The following PKP4 variants were observed in gnomAD, a reference collection of about 807,000 sequenced individuals.
PKP4 encodes plakophilin 4.
PKP4 carries 90 observed loss-of-function variants against 145.1 expected under a neutral mutation model. The observed-to-expected ratio is 0.62, with a 90% CI of 0.52 to 0.74. The LOEUF is 0.74. Among genes scored for constraint, PKP4 ranks in the 30% least tolerant of loss-of-function variants. PKP4 has a pLI of 0.00. For synonymous variants in PKP4, 563 were observed against 577.2 expected, an observed-to-expected ratio of 0.98 and a Z score of 0.35; for missense variants, 1,340 against 1,482.7, an observed-to-expected ratio of 0.90 and a Z score of 1.58.
intron 4 of PKP4, among the ~76,000 whole-genome samples, chr2:158,616,631 ACT>A (rs1491282421): frequency 6.6e-6 from 1 of 151,754 alleles, no homozygotes; most frequent in African/African-American, 2.4e-5. Flanking sequence ...CTCACACCAC[ACT>A]GTCTTTTATG....
rs182434196 is a variant in PKP4, at chr2:158,474,948, A to T, written c.-6+17730A>T. Among the ~76,000 whole-genome samples the T allele has an allele frequency of 2.2e-4, 34 of 152,332 alleles. 1 individual carries two copies. The East Asian group carries it at 5.8e-3, about 26-fold the overall frequency. ...ATTTAGCAATTTGCTAAACATTTTTAACTCAGTTCTTTTTACTAGTGTCCA... is the reference window on the plus strand; with the variant it reads ...ATTTAGCAATTTGCTAAACATTTTTTACTCAGTTCTTTTTACTAGTGTCCA... On this transcript the variant is annotated intron_variant, in intron 1 of 21. Coordinates refer to ENST00000389759, the MANE Select transcript of PKP4 (RefSeq NM_003628.6).
intron 1 of PKP4, among the ~76,000 whole-genome samples, chr2:158,509,016 A>C (rs1331405618): frequency 6.6e-6 from 1 of 152,218 alleles, no homozygotes; most frequent in Non-Finnish European, 1.5e-5. Flanking sequence ...AGAAATATCT[A>C]CCTATCAGTG....
At position 158,680,421 on chromosome 2, in the gene PKP4, G is replaced by A; in HGVS notation, c.3331-8G>A. On this transcript the variant is annotated splice_region_variant and splice_polypyrimidine_tract_variant and intron_variant, in intron 21 of 21. Coordinates refer to ENST00000389759, the MANE Select transcript of PKP4 (RefSeq NM_003628.6). Reference sequence around the variant, plus strand: ...TTTTATTTATTTGCCTTTTCATTTTGTCAACAGCATCAACAGCTGTATTAT... The same window carrying A: ...TTTTATTTATTTGCCTTTTCATTTTATCAACAGCATCAACAGCTGTATTAT... 3.2e-6 allele frequency: 5 copies of A among 1,559,764 alleles called. No homozygotes were observed. The highest frequency in any genetic ancestry group is 2.6e-6 in the Non-Finnish European group (3 of 1,153,928).
At chr2:158,475,621 G>C (rs1692345013) in intron 1 of PKP4, among the ~76,000 whole-genome samples, 1 of 152,142 alleles carries the variant, frequency 6.6e-6, no homozygotes, top group South Asian at 2.1e-4. Context: ...AGTGCCAGTG[G>C]GTTATCCCTG....
intron 2 of PKP4, among the ~76,000 whole-genome samples, chr2:158,555,549 A>G (rs2046015467): frequency 6.6e-6 from 1 of 152,222 alleles, no homozygotes; most frequent in Non-Finnish European, 1.5e-5. Flanking sequence ...TTTGATTTAA[A>G]TATTTCTGAA....
rs141436976 is a variant in PKP4 at position 158,603,089 on chromosome 2, C to T, written c.265C>T (p.Pro89Ser). The change falls in exon 4 of 22, where the codon CCT (proline) becomes TCT (serine). Residue 89 changes from proline to serine, a missense_variant. By Grantham distance (74) the Pro-to-Ser change is moderately conservative. Coordinates refer to ENST00000389759, the MANE Select transcript of PKP4 (RefSeq NM_003628.6). ...ASTSSTEKSF[P>S]WRSTDVPNTG... ...CTTTAGCTCAACTGAGAAGTCATTTCCTTGGAGATCAACAGGTATGTTTTT... is the reference window on the plus strand; with the variant it reads ...CTTTAGCTCAACTGAGAAGTCATTTTCTTGGAGATCAACAGGTATGTTTTT... 7.2e-4 allele frequency: 1,065 copies of T among 1,481,090 alleles called. 8 individuals carry two copies. The highest frequency in any genetic ancestry group is 7.0e-3 in the South Asian group (527 of 74,826). The allele number at this position is 1,481,090 out of a possible 1,614,324, so 91.7% of individuals were successfully genotyped here.
intron 1 of PKP4, among the ~76,000 whole-genome samples, chr2:158,503,306 CG>C (rs1696859767): frequency 6.6e-6 from 1 of 152,192 alleles, no homozygotes; most frequent in African/African-American, 2.4e-5. Context: ...CTGGCTCTAA[CG>C]CTTCAGTGCA....
At chr2:158,587,238 A>C (rs879586741) in intron 3 of PKP4, among the ~76,000 whole-genome samples, 13 of 152,172 alleles carry the variant, frequency 8.5e-5, no homozygotes, top group Admixed American at 7.9e-4. Context: ...ACTTTTAAAA[A>C]TTCAGAGGCC....
At chr2:158,498,973 A>T (rs1309506709) in intron 1 of PKP4, among the ~76,000 whole-genome samples, 4 of 152,124 alleles carry the variant, frequency 2.6e-5, no homozygotes, top group Non-Finnish European at 5.9e-5. Flanking sequence ...TCACCTAAGG[A>T]TTAAGCCCAC....
chr2:158,673,153 G>A (rs1322532123), intron 17 of PKP4, among the ~76,000 whole-genome samples: 1 of 152,228 alleles, frequency 6.6e-6, no homozygotes, highest in Non-Finnish European at 1.5e-5. Context: ...TCAGAGAGGG[G>A]AAATAATATC....
chr2:158,592,864 G>A (rs2049392654), intron 3 of PKP4, among the ~76,000 whole-genome samples: 1 of 152,060 alleles, frequency 6.6e-6, no homozygotes, highest in Non-Finnish European at 1.5e-5. Flanking sequence ...AAAACTATTT[G>A]TAATTATAAA....
At chr2:158,588,683 T>C (rs577958984) in intron 3 of PKP4, among the ~76,000 whole-genome samples, 1 of 152,298 alleles carries the variant, frequency 6.6e-6, no homozygotes, top group South Asian at 2.1e-4. Flanking sequence ...GTGGAAGAAA[T>C]AACTTTCTTT....
Position 158,658,201 on chromosome 2 carries a change from A to C in PKP4, c.1980A>C (p.Leu660Phe). Residue 660 changes from leucine (L) to phenylalanine (F), a missense_variant, in exon 12 of 22, where the codon TTA (leucine) becomes TTC (phenylalanine). By Grantham distance (22) the Leu-to-Phe change is conservative (BLOSUM62 0). Transcript: ENST00000389759. ...TCATTCGAGATGCTCTCTCAACCTT[A>C]ACAAACACTGTGATTGTTCCACATT... ...MTIIRDALST[L>F]TNTVIVPHSG... 6.2e-7 allele frequency: 1 copy of C among 1,604,152 alleles called. No individual in the cohort carries two copies. Among genetic ancestry groups the C allele is most frequent in the Non-Finnish European group, 8.5e-7 (1 of 1,171,452 alleles).
chr2:158,620,624 T>A (rs2052131766), intron 4 of PKP4, among the ~76,000 whole-genome samples: 1 of 152,224 alleles, frequency 6.6e-6, no homozygotes, highest in Non-Finnish European at 1.5e-5. Flanking sequence ...TTTAATTGTT[T>A]GGAAGATGGA....
In PKP4 at chr2:158,533,215, G is replaced by A; in HGVS notation, c.31G>A (p.Glu11Lys). Residue 11 changes from glutamate to lysine, a missense_variant, in exon 2 of 22, where the codon GAG becomes AAG. By Grantham distance (56) the Glu-to-Lys change is moderately conservative. Coordinates refer to ENST00000389759, the MANE Select transcript of PKP4 (RefSeq NM_003628.6). MPAPEQASLV[E>K]EGQPQTRQEA... ...AGCTCCTGAGCAGGCCTCATTGGTGGAGGAGGGGCAACCACAGACCCGCCA... is the reference window on the plus strand; with the variant it reads ...AGCTCCTGAGCAGGCCTCATTGGTGAAGGAGGGGCAACCACAGACCCGCCA... 6.2e-7 allele frequency: 1 copy of A among 1,613,594 alleles called. No homozygotes were observed. Among genetic ancestry groups the A allele is most frequent in the Non-Finnish European group, 8.5e-7 (1 of 1,179,930 alleles).
chr2:158,540,230 G>A (rs1424829525), intron 2 of PKP4, among the ~76,000 whole-genome samples: 1 of 152,120 alleles, frequency 6.6e-6, no homozygotes, highest in Non-Finnish European at 1.5e-5. Flanking sequence ...ATCATTTTAG[G>A]TTGTATTGAC....
intron 2 of PKP4, among the ~76,000 whole-genome samples, chr2:158,550,926 C>T (rs1033301427): frequency 1.3e-5 from 2 of 152,182 alleles, no homozygotes; most frequent in South Asian, 2.1e-4. Flanking sequence ...TAAAGATACA[C>T]ATAACAGAGA....
chr2:158,541,782 A>G (rs2044543320), intron 2 of PKP4, among the ~76,000 whole-genome samples: 1 of 152,116 alleles, frequency 6.6e-6, no homozygotes, highest in Non-Finnish European at 1.5e-5. Context: ...CTATAAAGCA[A>G]CGCGGCATCA....
At chr2:158,570,937 A>T (rs752330955) in intron 2 of PKP4, among the ~76,000 whole-genome samples, 3 of 152,182 alleles carry the variant, frequency 2.0e-5, no homozygotes, top group Non-Finnish European at 4.4e-5. Flanking sequence ...ATTAGACTAA[A>T]ATGAAACATA....
Sources: allele counts gnomAD v4.1 joint callset (sites outside exome capture counted in the v4.1 genomes callset), GRCh38; gene constraint gnomAD v4.1.1; transcripts MANE v1.5; gene names NCBI Gene and HGNC (gene_info 2026-07-23, HGNC 2026-07-21).